Variants in DOK6 observed in about 807,000 individuals in gnomAD.
The protein encoded by DOK6 is docking protein 6.
In DOK6, 22 loss-of-function variants were observed where a neutral mutation model predicts 44.0. The ratio of observed to expected loss-of-function variants is 0.50; its 90% CI spans 0.36 to 0.71. The LOEUF (loss-of-function observed/expected upper bound fraction) is 0.71. DOK6 is among the 30% of genes least tolerant of loss of function. DOK6 has a pLI of 0.00. For missense variants in DOK6, 340 were observed against 416.4 expected (o/e 0.82, Z 1.60); for synonymous variants, 166 against 145.5 (o/e 1.14, Z -1.01).
At chr18:69,681,126 TA>T (rs1351921496) in intron 4 of DOK6, among the ~76,000 whole-genome samples, 4 of 152,262 alleles carry the variant, frequency 2.6e-5, no homozygotes, top group African/African-American at 9.6e-5. Flanking sequence ...AACATGATTT[TA>T]TTATTTTGCC....
intron 3 of DOK6, among the ~76,000 whole-genome samples, chr18:69,612,409 G>GGGCGCATGTGTGCGAC (rs1984167995): frequency 6.8e-6 from 1 of 146,676 alleles, no homozygotes; most frequent in Non-Finnish European, 1.5e-5. Flanking sequence ...TTGTGTGCGA[G>GGGCGCATGTGTGCGAC]GGCGCATGTG....
At chr18:69,752,506 T>C (rs1233924666) in intron 6 of DOK6, among the ~76,000 whole-genome samples, 1 of 152,186 alleles carries the variant, frequency 6.6e-6, no homozygotes, top group Non-Finnish European at 1.5e-5. Context: ...ATGGATATAG[T>C]GAATACATTT....
chr18:69,765,053 G>T (rs1352621241), intron 7 of DOK6, among the ~76,000 whole-genome samples: 1 of 152,180 alleles, frequency 6.6e-6, no homozygotes, highest in Non-Finnish European at 1.5e-5. Context: ...ATAACCTTCA[G>T]AAAATGGTAA....
At chr18:69,743,664 A>AG (rs201373477) in intron 6 of DOK6, among the ~76,000 whole-genome samples, 1 of 151,946 alleles carries the variant, frequency 6.6e-6, no homozygotes, top group African/African-American at 2.4e-5. Flanking sequence ...GACAAGAATG[A>AG]GAAAAAAAAA....
chr18:69,558,510 C>T (rs1982745842), intron 1 of DOK6, among the ~76,000 whole-genome samples: 1 of 152,016 alleles, frequency 6.6e-6, no homozygotes, highest in Admixed American at 6.6e-5. Flanking sequence ...AAAATTCAGC[C>T]AGAGATCTGA....
chr18:69,703,456 CAATAT>C (rs1444045751), intron 5 of DOK6, among the ~76,000 whole-genome samples: 2 of 152,216 alleles, frequency 1.3e-5, no homozygotes, highest in Middle Eastern at 3.4e-3. Context: ...CTAATGATTT[CAATAT>C]AATATAGGAA....
At chr18:69,834,843 C>G (rs1599351645) in intron 7 of DOK6, among the ~76,000 whole-genome samples, 1 of 152,170 alleles carries the variant, frequency 6.6e-6, no homozygotes, top group Non-Finnish European at 1.5e-5. Context: ...ATACCCAAGA[C>G]TGGGTAAGTT....
intron 6 of DOK6, 60 bp from the exon 7 acceptor site, chr18:69,757,696 G>T: frequency 7.3e-7 from 1 of 1,365,818 alleles, no homozygotes; most frequent in South Asian, 1.2e-5. Flanking sequence ...ATATTTAGAA[G>T]AGCAGATTTC....
intron 3 of DOK6, among the ~76,000 whole-genome samples, chr18:69,620,227 T>G (rs1452244449): frequency 1.3e-5 from 2 of 152,212 alleles, no homozygotes; most frequent in Non-Finnish European, 2.9e-5. Flanking sequence ...CTTTGCATTT[T>G]CTGAAATTTA....
intron 7 of DOK6, among the ~76,000 whole-genome samples, chr18:69,787,363 A>G (rs1980462872): frequency 6.6e-6 from 1 of 152,210 alleles, no homozygotes; most frequent in Non-Finnish European, 1.5e-5. Context: ...TTCCTTTTAC[A>G]GTGTGTTAAC....
intron 5 of DOK6, among the ~76,000 whole-genome samples, chr18:69,723,815 T>C (rs559472809): frequency 6.6e-6 from 1 of 152,300 alleles, no homozygotes; most frequent in African/African-American, 2.4e-5. Flanking sequence ...AGCCACAGAC[T>C]TGGAGGTCAG....
At chr18:69,543,684 T>C (rs996142) in intron 1 of DOK6, among the ~76,000 whole-genome samples, 8,519 of 151,456 alleles carry the variant, frequency 0.056, 826 homozygotes, top group African/African-American at 0.19. Context: ...GGGCTTGATT[T>C]TTGTATCTCC....
At chr18:69,636,006 T>A (rs1984798347) in intron 3 of DOK6, among the ~76,000 whole-genome samples, 1 of 152,182 alleles carries the variant, frequency 6.6e-6, no homozygotes, top group African/African-American at 2.4e-5. Flanking sequence ...GTAGAGATAG[T>A]GCTGCTGATG....
At chr18:69,683,898 C>G (rs1454991000) in intron 4 of DOK6, among the ~76,000 whole-genome samples, 2 of 152,184 alleles carry the variant, frequency 1.3e-5, no homozygotes, top group Non-Finnish European at 2.9e-5. Flanking sequence ...ACTCACGTGA[C>G]CTAGGTGCCT....
intron 1 of DOK6, among the ~76,000 whole-genome samples, chr18:69,488,610 G>A (rs1980649180): frequency 6.6e-6 from 1 of 152,200 alleles, no homozygotes; most frequent in African/African-American, 2.4e-5. Context: ...GCAAAGTCCT[G>A]TCTTACATGG....
At chr18:69,662,747 A>G (rs966688172) in intron 3 of DOK6, 2 of 152,242 alleles carry the variant, frequency 1.3e-5, no homozygotes, top group African/African-American at 4.8e-5. Flanking sequence ...CATGCCAATG[A>G]AACACTGTCC....
chr18:69,614,401 C>A (rs12960929), intron 3 of DOK6, among the ~76,000 whole-genome samples: 54,119 of 151,948 alleles, frequency 0.36, 10,780 homozygotes, highest in Non-Finnish European at 0.44. Context: ...AGTTTTACTG[C>A]GGCATAGTTA....
intron 1 of DOK6, among the ~76,000 whole-genome samples, chr18:69,413,266 G>C (rs1978313806): frequency 6.6e-6 from 1 of 152,040 alleles, no homozygotes; most frequent in Non-Finnish European, 1.5e-5. Context: ...CAATGTTTTA[G>C]AGTAGTGAAT....
At chr18:69,614,543 T>C (rs547110906) in intron 3 of DOK6, among the ~76,000 whole-genome samples, 36 of 64,922 alleles carry the variant, frequency 5.5e-4, no homozygotes, top group Admixed American at 1.5e-3. Flanking sequence ...TTATTTTTTC[T>C]TTGTGTGTGT....
Sources: gnomAD v4.1 joint callset for allele counts (sites outside exome capture counted in the v4.1 genomes callset) on GRCh38, gnomAD v4.1.1 for gene constraint, MANE v1.5 for transcripts, NCBI Gene and HGNC (gene_info 2026-07-23, HGNC 2026-07-21) for gene names.